Variants in HDAC4 observed in about 807,000 individuals in gnomAD.
HDAC4 encodes the protein histone deacetylase A.
A neutral mutation model predicts 135.1 loss-of-function variants in HDAC4; 16 were observed. The ratio of observed to expected loss-of-function variants is 0.12; its 90% confidence interval spans 0.08 to 0.18. HDAC4 has a LOEUF of 0.18. Ranked by LOEUF, HDAC4 falls within the 10% of genes least tolerant of loss-of-function variation. The probability of loss-of-function intolerance (pLI) is 1.00; values close to 1 mark genes in which losing one functional copy is unlikely to be tolerated. For synonymous variants in HDAC4, 685 were observed against 653.4 expected (o/e 1.05, Z -0.74); for missense variants, 1,143 against 1,511.8 (o/e 0.76, Z 4.05).
intron 3 of HDAC4, among the ~76,000 whole-genome samples, chr2:239,197,322 C>T (rs2045460004): frequency 6.6e-6 from 1 of 152,212 alleles, no homozygotes; most frequent in South Asian, 2.1e-4. Flanking sequence ...CGTGATGCTG[C>T]ACCTTGAGTG....
At chr2:239,394,026 CTCT>C (rs1696401070) in intron 1 of HDAC4, among the ~76,000 whole-genome samples, 1 of 136,192 alleles carries the variant, frequency 7.3e-6, no homozygotes, top group Admixed American at 7.6e-5. Context: ...ACAGAAACTT[CTCT>C]TCCTCAGTTT....
intron 2 of HDAC4, among the ~76,000 whole-genome samples, chr2:239,314,909 C>T (rs1013567249): frequency 3.9e-5 from 6 of 152,134 alleles, no homozygotes; most frequent in Non-Finnish European, 7.3e-5. Flanking sequence ...GTGATGGGGA[C>T]GGGCATTCAG....
chr2:239,211,720 C>G (rs1027613611), intron 3 of HDAC4, among the ~76,000 whole-genome samples: 2 of 152,220 alleles, frequency 1.3e-5, no homozygotes, highest in African/African-American at 4.8e-5. Flanking sequence ...TTCCACTTTG[C>G]TTTCACTGAG....
chr2:239,337,298 T>C (rs1336952462), intron 2 of HDAC4, among the ~76,000 whole-genome samples: 1 of 151,886 alleles, frequency 6.6e-6, no homozygotes, highest in Non-Finnish European at 1.5e-5. Flanking sequence ...GAAATAAACG[T>C]TTTGGCTCCG....
chr2:239,162,915 C>T (rs899650410), intron 6 of HDAC4, among the ~76,000 whole-genome samples: 8 of 152,034 alleles, frequency 5.3e-5, no homozygotes, highest in South Asian at 2.1e-4. Context: ...TTTTTTCCAA[C>T]GAAATTACTG....
chr2:239,355,164 C>G (rs1480234965), intron 1 of HDAC4, among the ~76,000 whole-genome samples: 1 of 152,136 alleles, frequency 6.6e-6, no homozygotes, highest in Non-Finnish European at 1.5e-5. Flanking sequence ...TTATTTTGTT[C>G]AAAACATGAC....
In HDAC4 at chr2:239,126,657, G is replaced by T. The variant is rs149824763; in HGVS notation, c.1332C>A (p.His444Gln). The change falls in exon 12 of 27, where the codon CAC (histidine) becomes CAA (glutamine). Residue 444 changes from histidine to glutamine, a missense_variant. This residue lies in a region of HDAC4 where 272 missense variants were observed against 309.7 expected (regional missense o/e 0.88). Transcript: ENST00000543185. The part of the protein sequence containing the change: ...YLSGLGALPL[H>Q]AQSLVGADRV... ...GGTCTGCACCAACCAAGGACTGTGC[G>T]TGGAGGGGCAGTGCTCCCAGGCCTG... The T allele has an allele frequency of 1.9e-6, 3 of 1,613,946 alleles. No homozygotes were observed. The highest frequency in any genetic ancestry group is 2.2e-5 in the East Asian group (1 of 44,882).
intron 4 of HDAC4, among the ~76,000 whole-genome samples, chr2:239,187,993 G>A (rs913613887): frequency 1.3e-5 from 2 of 152,186 alleles, no homozygotes; most frequent in Non-Finnish European, 2.9e-5. Flanking sequence ...AAAAGCAGCA[G>A]CAACAACTCC....
intron 2 of HDAC4, among the ~76,000 whole-genome samples, chr2:239,244,866 G>T (rs576932748): frequency 2.0e-5 from 3 of 152,162 alleles, no homozygotes; most frequent in Non-Finnish European, 4.4e-5. Context: ...GCATAGGCTT[G>T]ATGCTCCATA....
At chr2:239,247,600 G>A (rs567490681) in intron 2 of HDAC4, among the ~76,000 whole-genome samples, 1 of 152,336 alleles carries the variant, frequency 6.6e-6, no homozygotes, top group South Asian at 2.1e-4. Flanking sequence ...CCACTATACA[G>A]ACGAACCATT....
intron 1 of HDAC4, among the ~76,000 whole-genome samples, chr2:239,361,419 A>C (rs1693859746): frequency 6.6e-6 from 1 of 152,248 alleles, no homozygotes; most frequent in African/African-American, 2.4e-5. Flanking sequence ...AGGACTCCCA[A>C]TGCCTCAGAG....
intron 2 of HDAC4, among the ~76,000 whole-genome samples, chr2:239,280,478 G>A (rs2050642190): frequency 6.6e-6 from 1 of 152,178 alleles, no homozygotes; most frequent in Non-Finnish European, 1.5e-5. Context: ...CGAGCCAGGG[G>A]CACAGAAGGC....
intron 4 of HDAC4, among the ~76,000 whole-genome samples, chr2:239,183,128 A>G (rs746880033): frequency 6.6e-6 from 1 of 152,248 alleles, no homozygotes; most frequent in African/African-American, 2.4e-5. Context: ...CATTCTTCTA[A>G]GAAAAGCAAA....
At chr2:239,268,477 T>A (rs1358268831) in intron 2 of HDAC4, among the ~76,000 whole-genome samples, 1 of 152,240 alleles carries the variant, frequency 6.6e-6, no homozygotes, top group Non-Finnish European at 1.5e-5. Flanking sequence ...GTAAACAAAT[T>A]TCTCTCTGAG....
intron 13 of HDAC4, among the ~76,000 whole-genome samples, chr2:239,114,599 CGTCT>C (rs1352875834): frequency 6.6e-6 from 1 of 152,186 alleles, no homozygotes; most frequent in African/African-American, 2.4e-5. Flanking sequence ...CAATCGCACC[CGTCT>C]GTCTGGATCT....
At chr2:239,301,182 C>T (rs1460143451) in intron 2 of HDAC4, among the ~76,000 whole-genome samples, 1 of 152,186 alleles carries the variant, frequency 6.6e-6, no homozygotes, top group Non-Finnish European at 1.5e-5. Context: ...CCTTACTCAG[C>T]GGCAGAAGGC....
intron 8 of HDAC4, chr2:239,140,878 G>T (rs1032137970): frequency 2.2e-6 from 1 of 446,032 alleles, no homozygotes; most frequent in South Asian, 1.6e-5. Flanking sequence ...GCTGACTCAC[G>T]TGGTATCCAC....
chr2:239,282,785 CCTCTACACACAATGTACACACCA>C (rs1559324938), intron 2 of HDAC4, among the ~76,000 whole-genome samples: 5 of 143,414 alleles, frequency 3.5e-5, no homozygotes, highest in African/African-American at 1.0e-4. Flanking sequence ...TGTACACACC[CCTCTACACACAATGTACACACCA>C]CTCTACACAC....
intron 2 of HDAC4, among the ~76,000 whole-genome samples, chr2:239,246,559 G>A (rs1416951689): frequency 6.6e-6 from 1 of 152,164 alleles, no homozygotes; most frequent in South Asian, 2.1e-4. Flanking sequence ...GCGCCGGCAG[G>A]AGTGAAAGCA....
Sources: allele counts gnomAD v4.1 joint callset (sites outside exome capture counted in the v4.1 genomes callset), GRCh38; gene constraint gnomAD v4.1.1; regional missense constraint gnomAD v4.1.1; transcripts MANE v1.5; gene names NCBI Gene and HGNC (gene_info 2026-07-23, HGNC 2026-07-21).